The following FRYL variants were observed in gnomAD, a reference collection of about 807,000 sequenced individuals.
FRYL encodes the protein FRY like transcription coactivator, also known as protein furry homolog-like.
A neutral mutation model predicts 351.2 loss-of-function variants in FRYL; 150 were observed. The ratio of observed to expected loss-of-function variants is 0.43; its 90% confidence interval spans 0.37 to 0.49. The LOEUF is 0.49. Ranked by LOEUF, FRYL falls within the 20% of genes least tolerant of loss-of-function variation. The pLI is 0.00. For synonymous variants in FRYL, 1,153 were observed against 1,257.1 expected, an observed-to-expected ratio of 0.92 and a Z score of 1.75; for missense variants, 3,036 against 3,619.3, an observed-to-expected ratio of 0.84 and a Z score of 4.13.
In FRYL at chr4:48,540,799, C is replaced by A. The variant is rs772238305; in HGVS notation, c.5849G>T (p.Arg1950Leu). 6.2e-7 allele frequency: 1 copy of A among 1,613,802 alleles called. No individual in the cohort carries two copies. Among genetic ancestry groups the A allele is most frequent in the African/African-American group, 1.3e-5 (1 of 74,882 alleles). Reference sequence around the variant, plus strand: ...GTTACTCCGCCGCCGGTCACCTCGTCGGTCACCAATCAAACTTAATCTCAA... The same window carrying A: ...GTTACTCCGCCGCCGGTCACCTCGTAGGTCACCAATCAAACTTAATCTCAA... Reference protein sequence around the residue: ...NSLRLSLIGDRRGDRRRSNTL... With the variant: ...NSLRLSLIGDLRGDRRRSNTL... Residue 1950 changes from arginine (R) to leucine (L), a missense_variant, in exon 46 of 64, where the codon CGA (arginine) becomes CTA (leucine). By Grantham distance (102) the Arg-to-Leu change is moderately radical. Transcript: ENST00000358350.
intron 59 of FRYL, chr4:48,506,075 T>C (rs894053926): frequency 1.3e-5 from 2 of 153,258 alleles, no homozygotes; most frequent in Non-Finnish European, 2.9e-5. Flanking sequence ...AGTTTTAAAT[T>C]TGTGAACCGG....
intron 1 of FRYL, among the ~76,000 whole-genome samples, chr4:48,713,392 C>A (rs1768339900): frequency 1.3e-5 from 2 of 152,080 alleles, no homozygotes; most frequent in South Asian, 2.1e-4. Context: ...CGTGCAGAGA[C>A]ACACATAGGC....
chr4:48,652,559 C>T (rs1452228818), intron 3 of FRYL, among the ~76,000 whole-genome samples: 1 of 152,148 alleles, frequency 6.6e-6, no homozygotes, highest in Non-Finnish European at 1.5e-5. Flanking sequence ...ACAACAGTAT[C>T]TCCATATGGA....
At chr4:48,675,770 G>A (rs1254571612) in intron 3 of FRYL, among the ~76,000 whole-genome samples, 1 of 152,362 alleles carries the variant, frequency 6.6e-6, no homozygotes, top group Non-Finnish European at 1.5e-5. Flanking sequence ...TGCAGCCCCT[G>A]TGCAGGATCC....
chr4:48,770,750 T>C (rs1775429883), intron 1 of FRYL, among the ~76,000 whole-genome samples: 1 of 152,196 alleles, frequency 6.6e-6, no homozygotes, highest in Admixed American at 6.5e-5. Flanking sequence ...TGTCTTATTA[T>C]GAACATAATT....
intron 33 of FRYL, among the ~76,000 whole-genome samples, chr4:48,559,368 G>C (rs1432045490): frequency 6.6e-6 from 1 of 150,650 alleles, no homozygotes; most frequent in Non-Finnish European, 1.5e-5. Flanking sequence ...TAGGAGGTGG[G>C]GGCCCGAGAC....
Position 48,663,333 on chromosome 4 carries a change from A to ATAATTAAAT in FRYL, c.-81+21339_-81+21340insATTTAATTA, listed in dbSNP as rs1439985609. ...GAACAGCTACTTTTTAATTAAATAT[A>ATAATTAAAT]TAATTTAATTTAATTTAATTTATAT... On this transcript the variant is annotated intron_variant, in intron 3 of 63. Transcript: ENST00000358350. Among the ~76,000 whole-genome samples, 148 of 7,476 alleles carry ATAATTAAAT rather than the reference A, an allele frequency of 0.02. No homozygotes were observed. In the Non-Finnish European group the frequency reaches 0.22, roughly 11 times the overall value. 4.9% of individuals were successfully genotyped at this position (7,476 alleles called of 152,430 possible).
chr4:48,605,866 CA>C, intron 10 of FRYL, 33 bp from the exon 11 acceptor site: 1 of 1,238,942 alleles, frequency 8.1e-7, no homozygotes, highest in South Asian at 1.3e-5. Context: ...CTTAGATTAA[CA>C]AAAGAGGAAA....
At chr4:48,699,251 G>C (rs1766495973) in intron 2 of FRYL, among the ~76,000 whole-genome samples, 1 of 152,182 alleles carries the variant, frequency 6.6e-6, no homozygotes, top group Admixed American at 6.6e-5. Flanking sequence ...TCCTTATATT[G>C]ATTCTGAACC....
At chr4:48,529,618 A>G (rs1248421858) in intron 50 of FRYL, among the ~76,000 whole-genome samples, 2 of 152,202 alleles carry the variant, frequency 1.3e-5, no homozygotes, top group African/African-American at 4.8e-5. Context: ...TAATGCCAAG[A>G]CTAAACTGCA....
At chr4:48,502,293 C>T (rs1373713998) in intron 61 of FRYL, among the ~76,000 whole-genome samples, 1 of 152,110 alleles carries the variant, frequency 6.6e-6, no homozygotes, top group African/African-American at 2.4e-5. Context: ...GTAATCCTAG[C>T]ACTTTGGGAG....
Position 48,540,488 on chromosome 4 carries a change from T to A in FRYL, c.6160A>T (p.Thr2054Ser). 1 of 1,614,100 alleles carries A rather than the reference T, an allele frequency of 6.2e-7. No homozygotes were observed. The highest frequency in any genetic ancestry group is 8.5e-7 in the Non-Finnish European group (1 of 1,179,950). ...AGCTGCTGAAGTCCTGGAAAATTAG[T>A]CCATTTCAATTTGCTTTGTACATTT... ...IENVQSKLKWTNFPGLQQLFL... is the reference protein window; with the variant it reads ...IENVQSKLKWSNFPGLQQLFL... The change falls in exon 46 of 64, where the codon ACT becomes TCT. Residue 2054 changes from threonine (T) to serine (S), a missense_variant. By Grantham distance (58) the Thr-to-Ser change is moderately conservative (BLOSUM62 1). Coordinates refer to ENST00000358350, the MANE Select transcript of FRYL (RefSeq NM_015030.2).
At position 48,549,115 on chromosome 4, in the gene FRYL, A is replaced by T. The variant is rs542462319; in HGVS notation, c.4785-322T>A. Among the ~76,000 whole-genome samples the T allele has an allele frequency of 6.6e-6, 1 of 152,184 alleles. No individual in the cohort carries two copies. The highest frequency in any genetic ancestry group is 1.5e-5 in the Non-Finnish European group (1 of 68,034). ...GCATTAATACATTTTGAAAGAATGC[A>T]GTAATTGCTCTATTGTGATTTTGCT... On this transcript the variant is annotated intron_variant, in intron 39 of 63. Transcript: ENST00000358350. This position sits in a 1 kb window ranked among gnomAD's most constrained non-coding sequence, Gnocchi z 4.2.
chr4:48,580,153 A>G (rs1255604897), intron 22 of FRYL, among the ~76,000 whole-genome samples: 1 of 152,144 alleles, frequency 6.6e-6, no homozygotes, highest in South Asian at 2.1e-4. Context: ...CTCATGAATT[A>G]TAAGAATCAG....
At chr4:48,715,183 A>C (rs1321507323) in intron 1 of FRYL, among the ~76,000 whole-genome samples, 1 of 151,628 alleles carries the variant, frequency 6.6e-6, no homozygotes, top group Admixed American at 6.6e-5. Flanking sequence ...ATGGGCAAAA[A>C]CTGGAAGCAT....
At chr4:48,553,035 T>C (rs1354203989) in intron 36 of FRYL, among the ~76,000 whole-genome samples, 180 bp downstream of exon 36, 3 of 152,230 alleles carry the variant, frequency 2.0e-5, no homozygotes, top group Non-Finnish European at 4.4e-5. Context: ...TTAACAATTA[T>C]GTTAAGCTTC....
chr4:48,731,139 G>A (rs1024052602), intron 1 of FRYL, among the ~76,000 whole-genome samples: 1 of 151,992 alleles, frequency 6.6e-6, no homozygotes, highest in Non-Finnish European at 1.5e-5. Flanking sequence ...ATTACGTAAT[G>A]GTAAAGAGAT....
chr4:48,542,193 G>T, intron 44 of FRYL, 72 bp from the exon 45 acceptor site: 1 of 1,020,260 alleles, frequency 9.8e-7, no homozygotes, highest in Non-Finnish European at 1.5e-6. Flanking sequence ...TTCCTAATGG[G>T]ATTTTAAAAT....
At chr4:48,649,870 G>A (rs545967040) in intron 3 of FRYL, among the ~76,000 whole-genome samples, 11 of 152,190 alleles carry the variant, frequency 7.2e-5, no homozygotes, top group South Asian at 2.1e-4. Context: ...TACAAAGCAC[G>A]CAAATGCATC....
Sources: gnomAD v4.1 joint callset for allele counts (sites outside exome capture counted in the v4.1 genomes callset) on GRCh38, gnomAD v4.1.1 for gene constraint, Gnocchi (gnomAD v3.1) non-coding constraint, MANE v1.5 for transcripts, NCBI Gene and HGNC (gene_info 2026-07-23, HGNC 2026-07-21) for gene names.